GATAD2B: variants seen among roughly 807,000 people sequenced by gnomAD.
GATAD2B encodes the protein GATA zinc finger domain containing 2B, also known as transcriptional repressor p66-beta.
Under a neutral mutation model 64.3 loss-of-function variants are expected in GATAD2B, and 8 were observed. The ratio of observed to expected loss-of-function variants is 0.12; its 90% confidence interval spans 0.07 to 0.22. The LOEUF (loss-of-function observed/expected upper bound fraction) is 0.22. Among genes scored for constraint, GATAD2B ranks in the 10% least tolerant of loss-of-function variants. The pLI is 1.00. For synonymous variants in GATAD2B, 281 were observed against 271.3 expected (o/e 1.04, Z -0.35); for missense variants, 453 against 752.0 (o/e 0.60, Z 4.65).
chr1:153,905,246 G>C (rs1571004239), intron 1 of GATAD2B, among the ~76,000 whole-genome samples: 1 of 152,080 alleles, frequency 6.6e-6, no homozygotes, highest in East Asian at 1.9e-4. Flanking sequence ...GTGGTGGCAG[G>C]CGCCCTGTAG....
chr1:153,856,390 G>GA (rs1056396597), intron 1 of GATAD2B, among the ~76,000 whole-genome samples: 6 of 152,212 alleles, frequency 3.9e-5, no homozygotes, highest in African/African-American at 1.4e-4. Flanking sequence ...AAGTGGTTTA[G>GA]AAAAAATGTT....
At chr1:153,920,032 T>C (rs1678383664) in intron 1 of GATAD2B, among the ~76,000 whole-genome samples, 1 of 152,252 alleles carries the variant, frequency 6.6e-6, no homozygotes, top group African/African-American at 2.4e-5. Context: ...GCAGAGGGGC[T>C]GCTTGTCAGC....
At chr1:153,820,094 G>A (rs1448280818) in intron 2 of GATAD2B, among the ~76,000 whole-genome samples, 4 of 136,376 alleles carry the variant, frequency 2.9e-5, no homozygotes, top group Non-Finnish European at 4.7e-5. Context: ...CGAGGTTCCC[G>A]TCTCAAAAAA....
At chr1:153,911,944 TTTTAA>T (rs1304025878) in intron 1 of GATAD2B, among the ~76,000 whole-genome samples, 2 of 152,210 alleles carry the variant, frequency 1.3e-5, no homozygotes, top group Non-Finnish European at 2.9e-5. Flanking sequence ...ATAAGCTACA[TTTTAA>T]TTTTTCTATT....
intron 7 of GATAD2B, 70 bp from the exon 8 acceptor site, chr1:153,813,522 TC>T (rs1355109582): frequency 1.9e-6 from 2 of 1,042,044 alleles, no homozygotes; most frequent in Admixed American, 1.9e-5. Flanking sequence ...ATCAAATAGA[TC>T]TTTTCCAGGA....
chr1:153,919,520 G>A (rs1678365785), intron 1 of GATAD2B, among the ~76,000 whole-genome samples: 1 of 152,172 alleles, frequency 6.6e-6, no homozygotes, highest in Admixed American at 6.5e-5. Context: ...CTGCTTCAAG[G>A]ATTCTGGAGC....
intron 2 of GATAD2B, chr1:153,827,465 A>C (rs905764650): frequency 6.5e-6 from 1 of 153,148 alleles, no homozygotes; most frequent in Admixed American, 6.5e-5. Context: ...GTGTGAGTGA[A>C]AGAGAGAGTA....
chr1:153,830,536 C>T (rs1331891548), intron 1 of GATAD2B, among the ~76,000 whole-genome samples: 7 of 137,476 alleles, frequency 5.1e-5, no homozygotes, highest in African/African-American at 8.0e-5. Flanking sequence ...AGTGCAGTGG[C>T]GGGATCTCGG....
intron 2 of GATAD2B, 28 bp from the exon 3 acceptor site, chr1:153,819,763 A>G: frequency 6.4e-7 from 1 of 1,568,466 alleles, no homozygotes; most frequent in African/African-American, 1.4e-5. Flanking sequence ...AAAATAAGCT[A>G]TTTCCAACAA....
intron 3 of GATAD2B, 112 bp from the exon 4 acceptor site, chr1:153,819,034 G>A: frequency 6.5e-6 from 7 of 1,083,540 alleles, no homozygotes; most frequent in Non-Finnish European, 9.3e-6. Context: ...ACAAGAAGCA[G>A]AAGTGGCAAT....
At chr1:153,848,938 G>A (rs999317022) in intron 1 of GATAD2B, among the ~76,000 whole-genome samples, 2 of 151,756 alleles carry the variant, frequency 1.3e-5, no homozygotes, top group South Asian at 2.1e-4. Flanking sequence ...GGGCAACAGC[G>A]AGACTCATCT....
chr1:153,849,154 G>C (rs1012265481), intron 1 of GATAD2B, among the ~76,000 whole-genome samples: 2 of 152,114 alleles, frequency 1.3e-5, no homozygotes, highest in African/African-American at 4.8e-5. Context: ...ACCCAGCTTT[G>C]GGCACTTTAT....
intron 1 of GATAD2B, among the ~76,000 whole-genome samples, chr1:153,880,042 A>G (rs1676960980): frequency 6.6e-6 from 1 of 152,132 alleles, no homozygotes; most frequent in Non-Finnish European, 1.5e-5. Flanking sequence ...GAAGAAATAA[A>G]AAAGAAGGGG....
intron 1 of GATAD2B, among the ~76,000 whole-genome samples, chr1:153,899,169 T>C (rs1326577590): frequency 6.6e-6 from 1 of 152,220 alleles, no homozygotes; most frequent in Non-Finnish European, 1.5e-5. Context: ...GCTAGAGGAC[T>C]GCTTGACCCA....
intron 1 of GATAD2B, among the ~76,000 whole-genome samples, chr1:153,840,427 T>A (rs1309979405): frequency 1.3e-5 from 2 of 151,894 alleles, no homozygotes; most frequent in Non-Finnish European, 2.9e-5. Flanking sequence ...AACCTCCGCC[T>A]CCTGGGTTCA....
intron 1 of GATAD2B, among the ~76,000 whole-genome samples, chr1:153,842,035 A>C (rs1675515319): frequency 6.6e-6 from 1 of 151,904 alleles, no homozygotes; most frequent in Non-Finnish European, 1.5e-5. Context: ...ATTCATAGGC[A>C]CCATCTTAAC....
At chr1:153,848,725 G>C (rs185274958) in intron 1 of GATAD2B, among the ~76,000 whole-genome samples, 51 of 152,186 alleles carry the variant, frequency 3.4e-4, no homozygotes, top group African/African-American at 1.2e-3. Flanking sequence ...AGGCCGAGGC[G>C]GGTGGATCAT....
At chr1:153,835,998 C>T (rs1675248790) in intron 1 of GATAD2B, among the ~76,000 whole-genome samples, 1 of 152,186 alleles carries the variant, frequency 6.6e-6, no homozygotes, top group Non-Finnish European at 1.5e-5. Flanking sequence ...GCTTGGATTA[C>T]AGGCGTGAGC....
At chr1:153,831,770 A>G (rs747269374) in intron 1 of GATAD2B, among the ~76,000 whole-genome samples, 3 of 152,222 alleles carry the variant, frequency 2.0e-5, no homozygotes, top group Non-Finnish European at 4.4e-5. Flanking sequence ...TCAACACTAT[A>G]TAAGTGAGAG....
Sources: allele counts gnomAD v4.1 joint callset (sites outside exome capture counted in the v4.1 genomes callset), GRCh38; gene constraint gnomAD v4.1.1; transcripts MANE v1.5; gene names NCBI Gene and HGNC (gene_info 2026-07-23, HGNC 2026-07-21).